Variants in MDGA2 observed in about 807,000 individuals in gnomAD.
MDGA2 encodes MAM domain containing glycosylphosphatidylinositol anchor 2, also known as MAM domain-containing glycosylphosphatidylinositol anchor protein 2.
MDGA2 carries 40 observed loss-of-function variants against 117.8 expected under a neutral mutation model. The observed-to-expected ratio is 0.34, with a 90% CI of 0.26 to 0.44. MDGA2 has a LOEUF of 0.44. Ranked by LOEUF, MDGA2 falls within the 20% of genes least tolerant of loss-of-function variation. MDGA2 has a pLI of 1.00. For missense variants in MDGA2, 1,123 were observed against 1,250.6 expected (o/e 0.90, Z 1.54); for synonymous variants, 452 against 439.0 (o/e 1.03, Z -0.37).
intron 1 of MDGA2, among the ~76,000 whole-genome samples, chr14:47,381,079 C>G (rs1217429738): frequency 2.0e-5 from 3 of 152,126 alleles, no homozygotes; most frequent in Admixed American, 6.6e-5. Flanking sequence ...TAAATGTAAT[C>G]CAGCATATAA....
chr14:47,262,093 A>T (rs903280203), intron 2 of MDGA2, among the ~76,000 whole-genome samples: 30 of 152,150 alleles, frequency 2.0e-4, no homozygotes, highest in Non-Finnish European at 2.4e-4. Flanking sequence ...TTCAACTACA[A>T]AACCAGGCTA....
chr14:47,548,377 C>A (rs965649879), intron 1 of MDGA2, among the ~76,000 whole-genome samples: 5 of 151,432 alleles, frequency 3.3e-5, no homozygotes, highest in African/African-American at 9.7e-5. Context: ...TGGTTGAAAA[C>A]GGGACAATTT....
chr14:47,563,578 GTTT>G (rs56244321), intron 1 of MDGA2, among the ~76,000 whole-genome samples: 1,096 of 56,488 alleles, frequency 0.019, 24 homozygotes, highest in Middle Eastern at 0.034. Flanking sequence ...GCTTTTTTCT[GTTT>G]TTTTTTTTTT....
intron 1 of MDGA2, among the ~76,000 whole-genome samples, chr14:47,546,572 C>A (rs906459580): frequency 1.3e-5 from 2 of 152,122 alleles, no homozygotes; most frequent in Non-Finnish European, 2.9e-5. Context: ...TTTGGACCAT[C>A]AGGAAGTAAT....
intron 1 of MDGA2, among the ~76,000 whole-genome samples, chr14:47,609,350 A>C (rs1180518661): frequency 6.9e-6 from 1 of 144,904 alleles, no homozygotes; most frequent in Non-Finnish European, 1.5e-5. Context: ...TTCACATAGA[A>C]TAATAGTCTC....
chr14:46,908,576 A>T (rs1883585039), intron 10 of MDGA2, among the ~76,000 whole-genome samples: 1 of 152,098 alleles, frequency 6.6e-6, no homozygotes, highest in Non-Finnish European at 1.5e-5. Context: ...TGTGCAAGTG[A>T]TCTGTCTTAT....
intron 9 of MDGA2, among the ~76,000 whole-genome samples, chr14:46,945,232 G>T: frequency 6.6e-6 from 1 of 152,166 alleles, no homozygotes; most frequent in East Asian, 1.9e-4. Flanking sequence ...TTCTAACTTG[G>T]TGGGACTCAC....
At chr14:46,913,935 T>A (rs955719019) in intron 10 of MDGA2, among the ~76,000 whole-genome samples, 16 of 152,178 alleles carry the variant, frequency 1.1e-4, no homozygotes, top group Admixed American at 2.6e-4. Context: ...TAATTCTAAA[T>A]ATTTTAATAC....
intron 1 of MDGA2, among the ~76,000 whole-genome samples, chr14:47,504,031 G>A (rs1431225179): frequency 2.6e-5 from 4 of 151,868 alleles, no homozygotes; most frequent in Non-Finnish European, 4.4e-5. Flanking sequence ...TAGAATACAC[G>A]GCAACTTTAT....
intron 11 of MDGA2, among the ~76,000 whole-genome samples, chr14:46,881,575 G>A (rs1358752152): frequency 6.6e-6 from 1 of 152,086 alleles, no homozygotes; most frequent in Non-Finnish European, 1.5e-5. Context: ...CGTTAATAAT[G>A]GGGATACTGT....
At position 46,878,403 on chromosome 14, in the gene MDGA2, C is replaced by T. The variant is rs78633969; in HGVS notation, c.2417-894G>A. On this transcript the variant is annotated intron_variant, in intron 11 of 16. Transcript: ENST00000399232. ...TGTAGTTTCCCAGGATTACAATTGG[C>T]AGTTAATTTACAGTGCAGAACTTAT... 4.4e-3 allele frequency among the ~76,000 whole-genome samples: 669 copies of T among 152,040 alleles called. 3 individuals carry two copies. Among genetic ancestry groups the T allele is most frequent in the African/African-American group, 0.015 (629 of 41,516 alleles).
intron 11 of MDGA2, among the ~76,000 whole-genome samples, chr14:46,880,803 C>CAAAAAAAAAAAAAAAAAAAAAA (rs568224124): frequency 1.8e-5 from 1 of 54,086 alleles, no homozygotes; most frequent in African/African-American, 6.9e-5. Flanking sequence ...ATCCCGTCTC[C>CAAAAAAAAAAAAAAAAAAAAAA]AAAAAAAAAA....
At chr14:47,022,049 TATAATC>T (rs1265732287) in intron 8 of MDGA2, among the ~76,000 whole-genome samples, 1 of 152,166 alleles carries the variant, frequency 6.6e-6, no homozygotes, top group Non-Finnish European at 1.5e-5. Context: ...AACTGAAAAA[TATAATC>T]TAAATCATTT....
chr14:47,414,666 G>A (rs544958747), intron 1 of MDGA2, among the ~76,000 whole-genome samples: 1 of 152,172 alleles, frequency 6.6e-6, no homozygotes, highest in East Asian at 1.9e-4. Context: ...AACCTGCCAA[G>A]GTTGAGGTCT....
At chr14:47,561,163 G>GTTTTTTTTTTTT (rs1309865250) in intron 1 of MDGA2, among the ~76,000 whole-genome samples, 2 of 83,878 alleles carry the variant, frequency 2.4e-5, no homozygotes, top group Non-Finnish European at 4.8e-5. Context: ...GTTTTGTTTT[G>GTTTTTTTTTTTT]TTTTTTTGTT....
intron 1 of MDGA2, among the ~76,000 whole-genome samples, chr14:47,341,595 A>C (rs1046167977): frequency 1.6e-4 from 24 of 152,220 alleles, no homozygotes; most frequent in African/African-American, 5.8e-4. Context: ...ATTTTCTTTG[A>C]TAATACATAT....
intron 1 of MDGA2, among the ~76,000 whole-genome samples, chr14:47,436,434 T>G (rs1358356388): frequency 6.6e-6 from 1 of 151,944 alleles, no homozygotes; most frequent in Non-Finnish European, 1.5e-5. Context: ...CTTTTCAAGG[T>G]GTACAAAAAG....
At chr14:47,126,826 G>A (rs1005958426) in intron 5 of MDGA2, among the ~76,000 whole-genome samples, 1 of 152,124 alleles carries the variant, frequency 6.6e-6, no homozygotes. Flanking sequence ...ACTCCATGGT[G>A]TAACTGTTCT....
intron 10 of MDGA2, among the ~76,000 whole-genome samples, chr14:46,906,090 G>A (rs1883481776): frequency 6.6e-6 from 1 of 151,820 alleles, no homozygotes; most frequent in African/African-American, 2.4e-5. Flanking sequence ...TATACAGTTA[G>A]TATTGATATT....
Sources: gnomAD v4.1 joint callset for allele counts (sites outside exome capture counted in the v4.1 genomes callset) on GRCh38, gnomAD v4.1.1 for gene constraint, MANE v1.5 for transcripts, NCBI Gene and HGNC (gene_info 2026-07-23, HGNC 2026-07-21) for gene names.